The following ATP8A2 variants were observed in gnomAD, a reference collection of about 807,000 sequenced individuals.
ATP8A2 encodes the protein ATPase phospholipid transporting 8A2.
ATP8A2 carries 100 observed loss-of-function variants against 165.6 expected under a neutral mutation model. The ratio of observed to expected loss-of-function variants is 0.60; its 90% CI spans 0.51 to 0.71. The LOEUF (loss-of-function observed/expected upper bound fraction) is 0.71, where lower values mean the gene tolerates loss of function less well. ATP8A2 is among the 30% of genes least tolerant of loss of function. The pLI, the probability that ATP8A2 is intolerant of heterozygous loss-of-function variation, is 0.00. For missense variants in ATP8A2, 1,227 were observed against 1,479.5 expected (o/e 0.83, Z 2.80); for synonymous variants, 543 against 548.8 (o/e 0.99, Z 0.15).
In ATP8A2 at chr13:26,012,670, G is replaced by T. The variant is rs767804403; in HGVS notation, c.3469+48G>T. On this transcript the variant is annotated intron_variant, in intron 36 of 36. Transcript: ENST00000381655. ...GATGGAGGAGTGGGTGTCGGTGCGG[G>T]GCGGGGGTTGATGAGGAGTTGGGGG... is the stretch of plus-strand genomic sequence containing the variant. 2.0e-5 allele frequency: 27 copies of T among 1,340,216 alleles called. No homozygotes were observed. In the South Asian group the frequency reaches 4.2e-4, roughly 21 times the overall value. The allele number at this position is 1,340,216 out of a possible 1,614,324, so 83.0% of individuals were successfully genotyped here. A position where few individuals can be genotyped will look rare whatever the true frequency, so the allele number is the denominator to read the frequency against.
chr13:25,571,022 T>C, intron 17 of ATP8A2, 150 bp downstream of exon 17: 1 of 588,466 alleles, frequency 1.7e-6, no homozygotes, highest in South Asian at 2.3e-5. Flanking sequence ...TGGCTACAGG[T>C]GCAAAGCCGT....
At chr13:25,604,820 A>T (rs1360133393) in intron 24 of ATP8A2, among the ~76,000 whole-genome samples, 32 of 152,226 alleles carry the variant, frequency 2.1e-4, no homozygotes, top group African/African-American at 7.7e-4. Flanking sequence ...TTTGATAGAT[A>T]GTCCATGTTT....
At chr13:25,938,135 G>A (rs1954968590) in intron 33 of ATP8A2, among the ~76,000 whole-genome samples, 1 of 151,452 alleles carries the variant, frequency 6.6e-6, no homozygotes, top group African/African-American at 2.4e-5. Context: ...GAGAAAAACT[G>A]GATCTGTTTT....
chr13:25,809,273 C>T (rs531454897), intron 27 of ATP8A2, among the ~76,000 whole-genome samples: 1 of 152,240 alleles, frequency 6.6e-6, no homozygotes, highest in South Asian at 2.1e-4. Flanking sequence ...GAAGCCCAAA[C>T]CTCAGCATCT....
At chr13:25,453,574 G>T (rs2035286403) in intron 1 of ATP8A2, among the ~76,000 whole-genome samples, 1 of 152,138 alleles carries the variant, frequency 6.6e-6, no homozygotes, top group East Asian at 1.9e-4. Flanking sequence ...AGTGACTAGG[G>T]TGCCTGCCTG....
intron 33 of ATP8A2, among the ~76,000 whole-genome samples, chr13:25,946,782 C>T (rs1384904865): frequency 1.3e-5 from 2 of 152,068 alleles, no homozygotes; most frequent in African/African-American, 2.4e-5. Flanking sequence ...GAGTCTTACT[C>T]TGTTGCCCAG....
At chr13:25,710,432 G>T (rs2043136844) in intron 25 of ATP8A2, among the ~76,000 whole-genome samples, 1 of 152,154 alleles carries the variant, frequency 6.6e-6, no homozygotes, top group Non-Finnish European at 1.5e-5. Context: ...CCTCACCACT[G>T]TTCCCAGCCT....
At chr13:25,527,615 A>G (rs548873938) in intron 2 of ATP8A2, among the ~76,000 whole-genome samples, 66 of 152,256 alleles carry the variant, frequency 4.3e-4, no homozygotes, top group African/African-American at 1.3e-3. Flanking sequence ...TGCTTACTCT[A>G]TCTCAGGATG....
intron 17 of ATP8A2, 115 bp from the exon 18 acceptor site, chr13:25,571,495 G>C: frequency 2.8e-6 from 2 of 721,920 alleles, no homozygotes; most frequent in South Asian, 3.5e-5. Flanking sequence ...CTATTATGCA[G>C]ATAACACCAG....
At chr13:25,685,901 G>T (rs1278652193) in intron 24 of ATP8A2, among the ~76,000 whole-genome samples, 2 of 152,204 alleles carry the variant, frequency 1.3e-5, no homozygotes, top group South Asian at 2.1e-4. Context: ...GATGGTCCAG[G>T]TGAGGGAGGG....
At chr13:25,770,352 A>G (rs1162438432) in intron 26 of ATP8A2, among the ~76,000 whole-genome samples, 1 of 152,058 alleles carries the variant, frequency 6.6e-6, no homozygotes, top group Non-Finnish European at 1.5e-5. Context: ...CACCACTCAG[A>G]TCAATAAACT....
At chr13:25,805,752 G>A (rs753323552) in intron 27 of ATP8A2, among the ~76,000 whole-genome samples, 5 of 152,124 alleles carry the variant, frequency 3.3e-5, no homozygotes, top group South Asian at 2.1e-4. Context: ...TTTTGAAACC[G>A]TGGAAATATT....
chr13:25,628,909 A>G (rs555642106), intron 24 of ATP8A2, among the ~76,000 whole-genome samples: 7 of 152,174 alleles, frequency 4.6e-5, no homozygotes, highest in African/African-American at 7.2e-5. Flanking sequence ...TATTTAACCC[A>G]TAACATTGCC....
At chr13:25,984,102 T>C (rs1482632135) in intron 35 of ATP8A2, among the ~76,000 whole-genome samples, 1 of 151,746 alleles carries the variant, frequency 6.6e-6, no homozygotes, top group African/African-American at 2.4e-5. Flanking sequence ...CCAGGTGTGG[T>C]GGTGCGTGCA....
In ATP8A2 at chr13:25,793,620, ATAC is replaced by A. The variant is rs557586821; in HGVS notation, c.2679+18665_2679+18667del. Reference sequence around the variant, plus strand: ...TATGTACACAAGTACATACATACAAATACTACATGTACTATCAGGCTTTCTCAG... The same window carrying A: ...TATGTACACAAGTACATACATACAAATACATGTACTATCAGGCTTTCTCAG... On this transcript the variant is annotated intron_variant, in intron 27 of 36. Transcript: ENST00000381655. Among the ~76,000 whole-genome samples the A allele has an allele frequency of 3.3e-3, 495 of 152,184 alleles. 1 individual carries two copies. The highest frequency in any genetic ancestry group is 0.01 in the Middle Eastern group (3 of 294).
intron 17 of ATP8A2, among the ~76,000 whole-genome samples, chr13:25,571,282 C>T (rs537198930): frequency 1.3e-5 from 2 of 152,270 alleles, no homozygotes; most frequent in East Asian, 3.9e-4. Flanking sequence ...AAAATACTGC[C>T]TTGCTCAGAG....
chr13:25,556,888 T>TC (rs2038997976), intron 13 of ATP8A2, among the ~76,000 whole-genome samples: 1 of 152,122 alleles, frequency 6.6e-6, no homozygotes, highest in Non-Finnish European at 1.5e-5. Context: ...ATGTTGCATC[T>TC]CCCCTGCTCC....
rs114167254 is a variant in ATP8A2, at chr13:25,553,143, T to A, written c.1058-650T>A. On this transcript the variant is annotated intron_variant, in intron 11 of 36. Transcript: ENST00000381655. ...TACCCTTCAAGCAGAAGATCATGGC[T>A]GTCAAGGAAAGAACTTTCCCTTTGA... Among the ~76,000 whole-genome samples the A allele has an allele frequency of 3.3e-3, 498 of 151,958 alleles. 5 individuals carry two copies. The highest frequency in any genetic ancestry group is 0.011 in the African/African-American group (473 of 41,472).
Position 26,018,069 on chromosome 13 carries a change from T to C in ATP8A2, c.3470-1819T>C, listed in dbSNP as rs147824977. On this transcript the variant is annotated intron_variant, in intron 36 of 36. Coordinates refer to ENST00000381655, the MANE Select transcript of ATP8A2 (RefSeq NM_016529.6). Reference sequence around the variant, plus strand: ...TCTCCCGCCCACTGTCTCTTCCTCCTGTGGCCTCACTGGTCTGGGCCCTCC... The same window carrying C: ...TCTCCCGCCCACTGTCTCTTCCTCCCGTGGCCTCACTGGTCTGGGCCCTCC... 6.0e-3 allele frequency among the ~76,000 whole-genome samples: 907 copies of C among 152,354 alleles called. 5 individuals carry two copies. Among genetic ancestry groups the C allele is most frequent in the Middle Eastern group, 0.027 (8 of 294 alleles).
Sources: allele counts gnomAD v4.1 joint callset (sites outside exome capture counted in the v4.1 genomes callset), GRCh38; gene constraint gnomAD v4.1.1; transcripts MANE v1.5; gene names NCBI Gene and HGNC (gene_info 2026-07-23, HGNC 2026-07-21).